Variants in SLC15A3 observed in about 807,000 individuals in gnomAD.
The protein encoded by SLC15A3 is osteoclast transporter.
SLC15A3 carries 39 observed loss-of-function variants against 49.2 expected under a neutral mutation model. The ratio of observed to expected loss-of-function variants is 0.79; its 90% CI spans 0.61 to 1.04. The LOEUF (loss-of-function observed/expected upper bound fraction) is 1.04. Among genes scored for constraint, SLC15A3 ranks in the 50% least tolerant of loss-of-function variants. The probability of loss-of-function intolerance (pLI) is 0.00; values close to 1 mark genes in which losing one functional copy is unlikely to be tolerated. For synonymous variants in SLC15A3, 339 were observed against 367.0 expected (o/e 0.92, Z 0.87); for missense variants, 758 against 794.8 (o/e 0.95, Z 0.56).
At chr11:60,947,319 A>C (rs955168408) in intron 1 of SLC15A3, among the ~76,000 whole-genome samples, 1 of 152,012 alleles carries the variant, frequency 6.6e-6, no homozygotes, top group Non-Finnish European at 1.5e-5. Flanking sequence ...AGCTGGGACT[A>C]CAGGCACCTG....
chr11:60,946,210 T>C (rs140792606), intron 2 of SLC15A3, among the ~76,000 whole-genome samples: 2 of 152,128 alleles, frequency 1.3e-5, no homozygotes, highest in Non-Finnish European at 2.9e-5. Context: ...CCCAGGCTGG[T>C]CTCGAACTCC....
chr11:60,950,311 C>T (rs1047591542), intron 1 of SLC15A3, among the ~76,000 whole-genome samples: 2 of 152,192 alleles, frequency 1.3e-5, no homozygotes, highest in African/African-American at 4.8e-5. Context: ...ACCTGGAGTC[C>T]AGCTGCCTTT....
intron 5 of SLC15A3, 137 bp from the exon 6 acceptor site, chr11:60,939,775 G>C: frequency 2.0e-6 from 2 of 1,000,586 alleles, no homozygotes; most frequent in Non-Finnish European, 2.9e-6. Context: ...AAGAATGCTG[G>C]ACTGGGGGGT....
At chr11:60,947,775 C>A (rs1472470206) in intron 1 of SLC15A3, 1 of 152,122 alleles carries the variant, frequency 6.6e-6, no homozygotes, top group South Asian at 2.1e-4. Context: ...AAATCTTTAC[C>A]CAGAATTTGG....
chr11:60,939,508 C>T lies in SLC15A3; in HGVS notation c.1407G>A (p.Gly469=). The part of the protein sequence containing the change: ...WWQIPQYLLI[G]ISEIFASIPG... The stretch of plus-strand genomic sequence containing the variant: ...GGATGCTGGCAAAGATCTCACTGAT[C>T]CCAATGAGCAGGTACTGAGGGATCT... Residue 469 remains glycine, a synonymous_variant, in exon 6 of 8, where the codon GGG becomes GGA. Transcript: ENST00000227880. 6.2e-7 allele frequency: 1 copy of T among 1,614,152 alleles called. No homozygotes were observed. The highest frequency in any genetic ancestry group is 8.5e-7 in the Non-Finnish European group (1 of 1,180,012).
chr11:60,939,621 G>A lies in SLC15A3; in HGVS notation c.1294C>T (p.Arg432Cys), dbSNP rs763376655. 46 of 1,613,996 alleles carry A rather than the reference G, an allele frequency of 2.9e-5. 1 individual carries two copies. The highest frequency in any genetic ancestry group is 6.7e-5 in the East Asian group (3 of 44,890). Residue 432 changes from arginine (R) to cysteine (C), a missense_variant, in exon 6 of 8, where the codon CGC (arginine) becomes TGC (cysteine). Physicochemically the swap from Arg to Cys is radical, Grantham distance 180. Coordinates refer to ENST00000227880, the MANE Select transcript of SLC15A3 (RefSeq NM_016582.3). ...TCGTTGTGGTGGATGTAGTGTAAGC[G>A]CTCCATCTCCAGGACTCCTGGTGGA... ...VIVAGVLEME[R>C]LHYIHHNETV...
chr11:60,937,429 C>A (rs931346204), intron 7 of SLC15A3, 56 bp from the exon 8 acceptor site: 1 of 1,605,870 alleles, frequency 6.2e-7, no homozygotes, highest in Non-Finnish European at 8.5e-7. Flanking sequence ...GTCTTGCGCC[C>A]TGTGCCTGCC....
intron 5 of SLC15A3, chr11:60,940,772 C>A: frequency 6.2e-6 from 1 of 162,160 alleles, no homozygotes; most frequent in Non-Finnish European, 1.3e-5. Context: ...TTTAAGTCTT[C>A]ATTTGCCACT....
chr11:60,937,429 C>T lies in SLC15A3; in HGVS notation c.1592-56G>A, dbSNP rs931346204. On this transcript the variant is annotated intron_variant, in intron 7 of 7. Transcript: ENST00000227880. ...GGACAGGGATCCTCTGTCTTGCGCCCTGTGCCTGCCGTGTCCTAGCCCTGG... is the reference window on the plus strand; with the variant it reads ...GGACAGGGATCCTCTGTCTTGCGCCTTGTGCCTGCCGTGTCCTAGCCCTGG... The T allele has an allele frequency of 6.4e-5, 103 of 1,605,752 alleles. 1 individual carries two copies. Among genetic ancestry groups the T allele is most frequent in the Non-Finnish European group, 9.4e-6 (11 of 1,174,794 alleles).
At position 60,949,504 on chromosome 11, in the gene SLC15A3, G is replaced by GA. The variant is rs745744115; in HGVS notation, c.558+1489dup. On this transcript the variant is annotated intron_variant, in intron 1 of 7. Transcript: ENST00000227880. ...AGAAAGGAAGAAAGAAAGAAAGAAG[G>GA]AAAGAAAGAAAGAAAGAAAGAAAGA... Among the ~76,000 whole-genome samples, 56 of 32,216 alleles carry GA rather than the reference G, an allele frequency of 1.7e-3. 2 individuals are homozygous for GA. Among genetic ancestry groups the GA allele is most frequent in the East Asian group, 0.015 (15 of 990 alleles). 21.1% of individuals were successfully genotyped at this position (32,216 alleles called of 152,430 possible).
At position 60,943,753 on chromosome 11, in the gene SLC15A3, T is replaced by C; in HGVS notation, c.932A>G (p.Gln311Arg). The change falls in exon 3 of 8, where the codon CAG becomes CGG. Residue 311 changes from glutamine to arginine, a missense_variant. Gln to Arg is a conservative substitution (Grantham distance 43). Transcript: ENST00000227880. Reference sequence around the variant, plus strand: ...GACGGGCAAGATCTTCACCAGCACCTGGAAGTTGGCGATGTCCTCTTGCGG... The same window carrying C: ...GACGGGCAAGATCTTCACCAGCACCCGGAAGTTGGCGATGTCCTCTTGCGG... ...ASPQEDIANF[Q>R]VLVKILPVMV... The C allele has an allele frequency of 6.2e-7, 1 of 1,605,634 alleles. No individual in the cohort carries two copies.
chr11:60,945,592 G>A (rs992417795), intron 2 of SLC15A3, among the ~76,000 whole-genome samples: 10 of 152,156 alleles, frequency 6.6e-5, no homozygotes, highest in African/African-American at 2.4e-4. Flanking sequence ...TTTTCATTTA[G>A]ATCCTATTGA....
At chr11:60,950,629 A>G (rs1176565885) in intron 1 of SLC15A3, among the ~76,000 whole-genome samples, 1 of 151,692 alleles carries the variant, frequency 6.6e-6, no homozygotes, top group Non-Finnish European at 1.5e-5. Flanking sequence ...AAAAAAAAAA[A>G]AAATTACAAA....
intron 3 of SLC15A3, chr11:60,943,327 G>C (rs1044315229): frequency 3.8e-5 from 6 of 158,586 alleles, no homozygotes; most frequent in African/African-American, 1.2e-4. Context: ...GAATGCAGCA[G>C]AGCTGGAAAA....
intron 1 of SLC15A3, chr11:60,947,875 G>A (rs534268923): frequency 1.3e-5 from 2 of 152,084 alleles, no homozygotes; most frequent in Admixed American, 1.3e-4. Context: ...CCAGGCCCAG[G>A]TCCCAGATTC....
intron 7 of SLC15A3, 26 bp downstream of exon 7, chr11:60,937,844 C>T: frequency 1.2e-6 from 2 of 1,606,072 alleles, no homozygotes; most frequent in Non-Finnish European, 1.7e-6. Context: ...ATCCATGTCC[C>T]ACTCCTGGGG....
chr11:60,939,573 C>G lies in SLC15A3; in HGVS notation c.1342G>C (p.Glu448Gln). The change falls in exon 6 of 8, where the codon GAG becomes CAG. Residue 448 changes from glutamate to glutamine, a missense_variant. By Grantham distance (29) the Glu-to-Gln change is conservative. Transcript: ENST00000227880. ...AGTGGTGCCGCGTTGTACAGGACCT[C>G]CCCAATCTGCTGGGACACGGTCTCG... ...HNETVSQQIG[E>Q]VLYNAAPLSI... is the part of the protein sequence containing the mutation. The G allele has an allele frequency of 6.2e-7, 1 of 1,614,186 alleles. No individual in the cohort carries two copies.
chr11:60,948,205 C>T lies in SLC15A3; in HGVS notation c.559-1384G>A, dbSNP rs12417654. 4.6e-5 allele frequency among the ~76,000 whole-genome samples: 7 copies of T among 152,256 alleles called. No homozygotes were observed. The South Asian group carries it at 8.3e-4, about 18-fold the overall frequency. ...AACCCGCATTCCATTGGAGATTCTG[C>T]GGGGTCCTCCTGGAAGTGGGGAGGG... is the stretch of plus-strand genomic sequence containing the variant. On this transcript the variant is annotated intron_variant, in intron 1 of 7. Coordinates refer to ENST00000227880, the MANE Select transcript of SLC15A3 (RefSeq NM_016582.3).
intron 4 of SLC15A3, 47 bp downstream of exon 4, chr11:60,941,988 C>T: frequency 1.3e-6 from 2 of 1,559,880 alleles, no homozygotes; most frequent in Non-Finnish European, 1.8e-6. Context: ...TCAGAGGAAG[C>T]CGCTACCTGG....
Sources: gnomAD v4.1 joint callset for allele counts (sites outside exome capture counted in the v4.1 genomes callset) on GRCh38, gnomAD v4.1.1 for gene constraint, MANE v1.5 for transcripts, NCBI Gene and HGNC (gene_info 2026-07-23, HGNC 2026-07-21) for gene names.